The following BEGAIN variants were observed in gnomAD, a reference collection of about 807,000 sequenced individuals.
BEGAIN encodes brain enriched guanylate kinase associated.
In BEGAIN, 19 loss-of-function variants were observed where a neutral mutation model predicts 35.8. That is an observed-to-expected ratio of 0.53 (90% confidence interval 0.37 to 0.78). The LOEUF (loss-of-function observed/expected upper bound fraction) is 0.78. BEGAIN is among the 30% of genes least tolerant of loss of function. BEGAIN has a pLI of 0.00. For synonymous variants in BEGAIN, 462 were observed against 388.6 expected, an observed-to-expected ratio of 1.19 and a Z score of -2.22; for missense variants, 795 against 853.6, an observed-to-expected ratio of 0.93 and a Z score of 0.85.
At chr14:100,585,026 C>T (rs145692834) in intron 1 of BEGAIN, among the ~76,000 whole-genome samples, 3 of 152,262 alleles carry the variant, frequency 2.0e-5, no homozygotes, top group Non-Finnish European at 4.4e-5. Flanking sequence ...GAACACTCTA[C>T]ACTCTCCCCA....
chr14:100,540,611 T>C, intron 5 of BEGAIN, 32 bp from the exon 6 acceptor site: 1 of 1,544,218 alleles, frequency 6.5e-7, no homozygotes, highest in African/African-American at 1.4e-5. Flanking sequence ...TTGGCGCCAT[T>C]CACCCCAGCC....
chr14:100,549,627 T>A lies in BEGAIN; in HGVS notation c.72-2965A>T, dbSNP rs2032972624. Reference sequence around the variant, plus strand: ...ACCCGAGCCCTGCCACGGCAGCCTGTCTCCACATCTGCAGAACTGGATGGT... The same window carrying A: ...ACCCGAGCCCTGCCACGGCAGCCTGACTCCACATCTGCAGAACTGGATGGT... On this transcript the variant is annotated intron_variant, in intron 2 of 6. Transcript: ENST00000554140. The A allele has an allele frequency of 1.3e-5, 2 of 152,320 alleles. 1 individual carries two copies. The highest frequency in any genetic ancestry group is 1.3e-4 in the Admixed American group (2 of 15,290). 9.4% of individuals were successfully genotyped at this position (152,320 alleles called of 1,614,324 possible). A position where few individuals can be genotyped will look rare whatever the true frequency, so the allele number is the denominator to read the frequency against.
intron 1 of BEGAIN, among the ~76,000 whole-genome samples, chr14:100,572,279 G>A (rs984755409): frequency 1.3e-5 from 2 of 152,188 alleles, no homozygotes; most frequent in Non-Finnish European, 2.9e-5. Context: ...TCCTCTGCCG[G>A]ACCATCTGAC....
rs1286876577 is a variant in BEGAIN at position 100,538,472 on chromosome 14, C to T, written c.1336G>A (p.Gly446Ser). 3 of 1,574,404 alleles carry T rather than the reference C, an allele frequency of 1.9e-6. No homozygotes were observed. The highest frequency in any genetic ancestry group is 4.5e-5 in the East Asian group (2 of 44,370). ...QWRPLSVEDI[G>S]AYSYPVSAAG... Reference sequence around the variant, plus strand: ...GCGCTCACGGGGTAGGAGTAGGCGCCGATGTCCTCCACGCTCAGGGGACGC... The same window carrying T: ...GCGCTCACGGGGTAGGAGTAGGCGCTGATGTCCTCCACGCTCAGGGGACGC... The change falls in exon 7 of 7, where the codon GGC (glycine) becomes AGC (serine). Residue 446 changes from glycine (G) to serine (S), a missense_variant. Physicochemically the swap from Gly to Ser is moderately conservative, Grantham distance 56. Transcript: ENST00000554140.
At chr14:100,572,363 C>T (rs1055112658) in intron 1 of BEGAIN, among the ~76,000 whole-genome samples, 9 of 152,196 alleles carry the variant, frequency 5.9e-5, no homozygotes, top group Non-Finnish European at 8.8e-5. Context: ...GTGAGCCCAC[C>T]TCTGCAGGGG....
At chr14:100,540,465 C>T (rs771239666) in intron 6 of BEGAIN, 31 bp downstream of exon 6, 23 of 1,531,618 alleles carry the variant, frequency 1.5e-5, no homozygotes, top group Admixed American at 3.7e-5. Context: ...GGTCCCGGGG[C>T]GGGGTGGGCC....
chr14:100,548,244 G>A (rs1449831775), intron 2 of BEGAIN: 5 of 152,132 alleles, frequency 3.3e-5, no homozygotes, highest in East Asian at 1.9e-4. Flanking sequence ...GCAGCCTTCC[G>A]TGGCTGCCCC....
intron 2 of BEGAIN, among the ~76,000 whole-genome samples, chr14:100,562,988 C>T (rs2034401050): frequency 6.6e-6 from 1 of 152,118 alleles, no homozygotes; most frequent in African/African-American, 2.4e-5. Flanking sequence ...GGCCGGCTCA[C>T]GGGGCCCACG....
intron 2 of BEGAIN, among the ~76,000 whole-genome samples, chr14:100,555,148 G>C (rs370130020): frequency 6.6e-6 from 1 of 152,354 alleles, no homozygotes. Flanking sequence ...TGCCTCTGAC[G>C]GGCCCAGGGC....
At position 100,568,099 on chromosome 14, in the gene BEGAIN, GC is replaced by G; in HGVS notation, c.43-161del. The G allele has an allele frequency of 9.6e-7, 1 of 1,042,730 alleles. No individual in the cohort carries two copies. Among genetic ancestry groups the G allele is most frequent in the Non-Finnish European group, 1.2e-6 (1 of 868,986 alleles). 64.6% of individuals were successfully genotyped at this position (1,042,730 alleles called of 1,614,324 possible). On this transcript the variant is annotated intron_variant, in intron 1 of 6. Coordinates refer to ENST00000554140, the MANE Select transcript of BEGAIN (RefSeq NM_001385089.1). The surrounding 1 kb of genome is among the most constrained non-coding windows in gnomAD (Gnocchi z 7.5). ...TCCCCAGCTTCCAGTCCCGGCCGCG[GC>G]CCCCGTGACTCAGTGGGCGCGCCGG...
chr14:100,574,019 G>C (rs2035147934), intron 1 of BEGAIN, among the ~76,000 whole-genome samples: 1 of 152,120 alleles, frequency 6.6e-6, no homozygotes, highest in South Asian at 2.1e-4. Flanking sequence ...GAGGAGAGCG[G>C]GATCATCGGT....
At chr14:100,546,104 G>C in intron 3 of BEGAIN, 1 of 167,072 alleles carries the variant, frequency 6.0e-6, no homozygotes, top group Non-Finnish European at 1.4e-5. Context: ...GTTCATCTCC[G>C]GGCTAGACAC....
rs1448631672 is a variant in BEGAIN at position 100,568,317 on chromosome 14, C to T, written c.43-378G>A. Reference sequence around the variant, plus strand: ...CCGCGGCCCCGCTGCTCCCCCCGCCCCGCCCGTTAACCCTTCCTGCCCCGC... The same window carrying T: ...CCGCGGCCCCGCTGCTCCCCCCGCCTCGCCCGTTAACCCTTCCTGCCCCGC... On this transcript the variant is annotated intron_variant, in intron 1 of 6. Coordinates refer to ENST00000554140, the MANE Select transcript of BEGAIN (RefSeq NM_001385089.1). The surrounding 1 kb of genome is among the most constrained non-coding windows in gnomAD (Gnocchi z 7.5). The T allele has an allele frequency of 3.1e-5, 21 of 670,476 alleles. 1 individual carries two copies. The highest frequency in any genetic ancestry group is 4.1e-5 in the Non-Finnish European group (19 of 460,856). 41.5% of individuals were successfully genotyped at this position (670,476 alleles called of 1,614,324 possible).
intron 5 of BEGAIN, 133 bp from the exon 6 acceptor site, chr14:100,540,712 C>G: frequency 1.6e-6 from 1 of 643,966 alleles, no homozygotes; most frequent in South Asian, 1.9e-5. Context: ...CAAGGACCCA[C>G]TGCTGGCTCC....
intron 2 of BEGAIN, among the ~76,000 whole-genome samples, chr14:100,555,436 G>GACACAGCAGACCACTTCCAACA (rs1350803674): frequency 3.3e-5 from 5 of 152,246 alleles, no homozygotes; most frequent in Non-Finnish European, 7.3e-5. Context: ...TGTGTGGCCT[G>GACACAGCAGACCACTTCCAACA]GAAGCCGACA....
intron 2 of BEGAIN, among the ~76,000 whole-genome samples, chr14:100,560,942 G>C (rs2034189630): frequency 6.6e-6 from 1 of 152,204 alleles, no homozygotes; most frequent in Admixed American, 6.5e-5. Flanking sequence ...TTGCTTTGCA[G>C]ACACGGGGGA....
At chr14:100,566,979 G>A (rs1172961380) in intron 2 of BEGAIN, among the ~76,000 whole-genome samples, 1 of 152,164 alleles carries the variant, frequency 6.6e-6, no homozygotes, top group Non-Finnish European at 1.5e-5. Flanking sequence ...CCTAGACCTG[G>A]GCCCAGGCTG....
At chr14:100,581,047 G>A (rs1478531447) in intron 1 of BEGAIN, among the ~76,000 whole-genome samples, 1 of 152,190 alleles carries the variant, frequency 6.6e-6, no homozygotes, top group Non-Finnish European at 1.5e-5. Flanking sequence ...GTGGGAAAGA[G>A]ACTTGGAGGC....
Position 100,558,927 on chromosome 14 carries a change from G to A in BEGAIN, c.71+8984C>T, listed in dbSNP as rs1318205717. 6.6e-6 allele frequency among the ~76,000 whole-genome samples: 1 copy of A among 152,226 alleles called. No individual in the cohort carries two copies. The highest frequency in any genetic ancestry group is 1.9e-4 in the East Asian group (1 of 5,192). ...AGGACACACAGCTGGGAGCATGCCG[G>A]TGGGGCCAGGGCGCGTCCTGGAGAT... On this transcript the variant is annotated intron_variant, in intron 2 of 6. Transcript: ENST00000554140. The surrounding 1 kb of genome is among the most constrained non-coding windows in gnomAD (Gnocchi z 4.6).
Sources: gnomAD v4.1 joint callset for allele counts (sites outside exome capture counted in the v4.1 genomes callset) on GRCh38, gnomAD v4.1.1 for gene constraint, Gnocchi (gnomAD v3.1) non-coding constraint, MANE v1.5 for transcripts, NCBI Gene and HGNC (gene_info 2026-07-23, HGNC 2026-07-21) for gene names.